The following HDAC4 variants were observed in gnomAD, a reference collection of about 807,000 sequenced individuals.
HDAC4 encodes the protein histone deacetylase A.
HDAC4 carries 16 observed loss-of-function variants against 135.1 expected under a neutral mutation model. The observed-to-expected ratio is 0.12, with a 90% confidence interval of 0.08 to 0.18. The LOEUF is 0.18. HDAC4 is among the 10% of genes least tolerant of loss of function. The pLI is 1.00. For synonymous variants in HDAC4, 685 were observed against 653.4 expected (o/e 1.05, Z -0.74); for missense variants, 1,143 against 1,511.8 (o/e 0.76, Z 4.05).
intron 8 of HDAC4, among the ~76,000 whole-genome samples, chr2:239,142,111 C>T (rs1425436095): frequency 6.6e-6 from 1 of 151,970 alleles, no homozygotes; most frequent in Non-Finnish European, 1.5e-5. Flanking sequence ...ACACGGGCTG[C>T]GGGAATGTGC....
rs34204026 is a variant in HDAC4, at chr2:239,171,169, C to CAA, written c.490+5242_490+5243dup. Among the ~76,000 whole-genome samples, 692 of 114,344 alleles carry CAA rather than the reference C, an allele frequency of 6.1e-3. 6 individuals carry two copies. Among genetic ancestry groups the CAA allele is most frequent in the African/African-American group, 0.022 (667 of 29,922 alleles). 75.0% of individuals were successfully genotyped at this position (114,344 alleles called of 152,430 possible). On this transcript the variant is annotated intron_variant, in intron 5 of 26. Coordinates refer to ENST00000543185, the MANE Select transcript of HDAC4 (RefSeq NM_001378414.1). ...ACCATAGAAATAAACACAATCTGACCAAAAAAAAAAAAAAAAAAATGAGAG... is the reference window on the plus strand; with the variant it reads ...ACCATAGAAATAAACACAATCTGACCAAAAAAAAAAAAAAAAAAAAATGAGAG...
At chr2:239,275,851 G>A (rs1265239342) in intron 2 of HDAC4, among the ~76,000 whole-genome samples, 1 of 152,214 alleles carries the variant, frequency 6.6e-6, no homozygotes, top group African/African-American at 2.4e-5. Flanking sequence ...AGCTCCTCAT[G>A]GTGCCACGTG....
At chr2:239,176,589 G>A (rs377442846) in intron 4 of HDAC4, 26 bp from the exon 5 acceptor site, 16 of 1,607,444 alleles carry the variant, frequency 1.0e-5, no homozygotes, top group African/African-American at 6.7e-5. Flanking sequence ...GGAGACAGAC[G>A]GTCAGAGCCC....
At chr2:239,110,708 G>T (rs576763372) in intron 14 of HDAC4, among the ~76,000 whole-genome samples, 1 of 152,336 alleles carries the variant, frequency 6.6e-6, no homozygotes, top group Non-Finnish European at 1.5e-5. Flanking sequence ...TTCTTAGTGC[G>T]TCATTAACAA....
chr2:239,226,771 T>C (rs537220011), intron 3 of HDAC4, among the ~76,000 whole-genome samples: 1 of 152,214 alleles, frequency 6.6e-6, no homozygotes, highest in East Asian at 1.9e-4. Context: ...AAAGAACCAG[T>C]TGGAAAGTGA....
intron 2 of HDAC4, among the ~76,000 whole-genome samples, chr2:239,347,116 C>T (rs997525163): frequency 6.6e-6 from 1 of 152,216 alleles, no homozygotes; most frequent in African/African-American, 2.4e-5. Context: ...CACACAGACA[C>T]TTTGTGGTAT....
intron 12 of HDAC4, among the ~76,000 whole-genome samples, chr2:239,120,888 G>A (rs1326025086): frequency 6.6e-6 from 1 of 152,082 alleles, no homozygotes; most frequent in Non-Finnish European, 1.5e-5. Flanking sequence ...AGGAAGCCAG[G>A]CTGATCGAGG....
chr2:239,325,748 T>A (rs901459814), intron 2 of HDAC4, among the ~76,000 whole-genome samples: 9 of 152,128 alleles, frequency 5.9e-5, no homozygotes, highest in Non-Finnish European at 5.9e-5. Context: ...GTGGATCACC[T>A]GTGGTCAGGA....
chr2:239,114,153 G>A (rs748730288), intron 13 of HDAC4, among the ~76,000 whole-genome samples: 12 of 152,186 alleles, frequency 7.9e-5, no homozygotes, highest in Admixed American at 3.9e-4. Context: ...ACTGCAGGGC[G>A]TCCTGCTCCT....
intron 3 of HDAC4, among the ~76,000 whole-genome samples, chr2:239,192,653 G>A (rs778952241): frequency 1.3e-5 from 2 of 152,160 alleles, no homozygotes; most frequent in Non-Finnish European, 2.9e-5. Flanking sequence ...ACACAGTCTC[G>A]TGAATGACTG....
chr2:239,270,802 T>G (rs1044649550), intron 2 of HDAC4, among the ~76,000 whole-genome samples: 2 of 152,206 alleles, frequency 1.3e-5, no homozygotes, highest in African/African-American at 4.8e-5. Context: ...ACGTGCAGAC[T>G]TAAGTGGCTC....
At chr2:239,281,998 A>G (rs1183543619) in intron 2 of HDAC4, among the ~76,000 whole-genome samples, 1 of 141,056 alleles carries the variant, frequency 7.1e-6, no homozygotes, top group Non-Finnish European at 1.5e-5. Flanking sequence ...CAGTGTACAC[A>G]CCACTCTACA....
At chr2:239,337,862 C>A (rs995869845) in intron 2 of HDAC4, among the ~76,000 whole-genome samples, 1 of 152,000 alleles carries the variant, frequency 6.6e-6, no homozygotes, top group African/African-American at 2.4e-5. Context: ...AGTCCAGGCT[C>A]GGGACAATTA....
rs2030641136 is a variant in HDAC4, at chr2:239,050,311, A to AG, written c.*2785dup. On this transcript the variant is annotated 3_prime_UTR_variant, in exon 27 of 27. Transcript: ENST00000543185. ...TCCCATCATCTGCTTAAAAAAAAAA[A>AG]GTGAGATGATGCATTCCTCCCCATA... 6.6e-6 allele frequency: 1 copy of AG among 152,100 alleles called. No individual in the cohort carries two copies. The highest frequency in any genetic ancestry group is 2.1e-4 in the South Asian group (1 of 4,826). 9.4% of individuals were successfully genotyped at this position (152,100 alleles called of 1,614,324 possible).
At chr2:239,283,408 A>T (rs76007417) in intron 2 of HDAC4, among the ~76,000 whole-genome samples, 3,241 of 152,336 alleles carry the variant, frequency 0.021, 114 homozygotes, top group African/African-American at 0.074. Context: ...GCCTGGTCTC[A>T]TGGCTACCGC....
At chr2:239,378,759 G>A (rs1695207103) in intron 1 of HDAC4, among the ~76,000 whole-genome samples, 1 of 152,180 alleles carries the variant, frequency 6.6e-6, no homozygotes, top group East Asian at 1.9e-4. Flanking sequence ...AATGACCCCG[G>A]CATGTCCTGG....
intron 3 of HDAC4, among the ~76,000 whole-genome samples, chr2:239,232,993 A>T (rs557213568): frequency 6.6e-5 from 10 of 152,288 alleles, no homozygotes; most frequent in Admixed American, 6.5e-4. Flanking sequence ...AGCAGACAAC[A>T]ACTCCCAGGA....
intron 2 of HDAC4, among the ~76,000 whole-genome samples, chr2:239,321,630 A>AG (rs1227194048): frequency 6.6e-6 from 1 of 152,186 alleles, no homozygotes; most frequent in African/African-American, 2.4e-5. Flanking sequence ...TGGGGTTCTC[A>AG]GAAGTTCTTC....
At chr2:239,123,367 CT>C (rs1284916292) in intron 12 of HDAC4, among the ~76,000 whole-genome samples, 1 of 151,982 alleles carries the variant, frequency 6.6e-6, no homozygotes, top group Non-Finnish European at 1.5e-5. Flanking sequence ...CTGCTGTCCG[CT>C]GATGAGGGCT....
Sources: allele counts gnomAD v4.1 joint callset (sites outside exome capture counted in the v4.1 genomes callset), GRCh38; gene constraint gnomAD v4.1.1; transcripts MANE v1.5; gene names NCBI Gene and HGNC (gene_info 2026-07-23, HGNC 2026-07-21).